Variants in KCNMA1 observed in about 807,000 individuals in gnomAD.
KCNMA1 encodes Calcium-activated potassium channel subunit alpha-1.
Under a neutral mutation model 140.0 loss-of-function variants are expected in KCNMA1, and 29 were observed. That is an observed-to-expected ratio of 0.21 (90% CI 0.15 to 0.28). The LOEUF is 0.28. Among genes scored for constraint, KCNMA1 ranks in the 10% least tolerant of loss-of-function variants. The probability of loss-of-function intolerance (pLI) is 1.00; values close to 1 mark genes in which losing one functional copy is unlikely to be tolerated. For missense variants in KCNMA1, 880 were observed against 1,602.2 expected (o/e 0.55, Z 7.70); for synonymous variants, 612 against 611.9 (o/e 1.00, Z 0.00).
intron 1 of KCNMA1, among the ~76,000 whole-genome samples, chr10:77,471,029 C>T (rs2098136270): frequency 6.6e-6 from 1 of 151,892 alleles, no homozygotes; most frequent in Admixed American, 6.6e-5. Flanking sequence ...ACACAACACA[C>T]ACTACACACT....
chr10:77,506,596 A>AGAGAGAGAGAGTGTGT, intron 1 of KCNMA1, among the ~76,000 whole-genome samples: 1,267 of 83,214 alleles, frequency 0.015, 22 homozygotes, highest in Non-Finnish European at 0.018. Flanking sequence ...AGAGAGAGAG[A>AGAGAGAGAGAGTGTGT]GTGTGTGTGT....
intron 5 of KCNMA1, among the ~76,000 whole-genome samples, chr10:77,170,415 T>C (rs2098691380): frequency 6.6e-6 from 1 of 151,996 alleles, no homozygotes; most frequent in Non-Finnish European, 1.5e-5. Flanking sequence ...GCTGAGATAC[T>C]GTATCCCTGG....
chr10:77,516,296 C>A (rs1035807858), intron 1 of KCNMA1, among the ~76,000 whole-genome samples: 10 of 152,054 alleles, frequency 6.6e-5, no homozygotes, highest in Non-Finnish European at 1.5e-4. Context: ...CTGAAATCTG[C>A]TCCAAACTCC....
chr10:77,184,532 T>G (rs1396313285), intron 4 of KCNMA1, among the ~76,000 whole-genome samples: 2 of 152,228 alleles, frequency 1.3e-5, no homozygotes, highest in Non-Finnish European at 2.9e-5. Flanking sequence ...TCTATTTAAT[T>G]TTTAAGGGAA....
rs534499013 is a variant in KCNMA1 at position 77,071,894 on chromosome 10, C to G, written c.1749+1203G>C. Among the ~76,000 whole-genome samples the G allele has an allele frequency of 2.6e-5, 4 of 152,190 alleles. 1 individual carries two copies. In the South Asian group the frequency reaches 8.3e-4, roughly 31 times the overall value. On this transcript the variant is annotated intron_variant, in intron 14 of 27. Transcript: ENST00000286628. ...GAAGGATAAGGACTTAGAAAAACTC[C>G]TGCTCTAAATAATATCACTCATAGG...
intron 5 of KCNMA1, among the ~76,000 whole-genome samples, chr10:77,151,448 G>C (rs113812291): frequency 0.015 from 1,896 of 122,468 alleles, 19 homozygotes; most frequent in Non-Finnish European, 0.024. Flanking sequence ...GGATGGTCTC[G>C]ATCTCTTGAC....
chr10:77,434,702 C>T (rs1192043084), intron 1 of KCNMA1, among the ~76,000 whole-genome samples: 1 of 152,150 alleles, frequency 6.6e-6, no homozygotes, highest in African/African-American at 2.4e-5. Context: ...AATACAAGGA[C>T]GATAAAGACA....
intron 2 of KCNMA1, among the ~76,000 whole-genome samples, chr10:77,322,105 C>T (rs918412371): frequency 2.6e-5 from 4 of 152,162 alleles, no homozygotes; most frequent in Non-Finnish European, 5.9e-5. Flanking sequence ...ATCTTGTGGT[C>T]TACAATCTCA....
At chr10:76,898,581 C>A (rs1160848475) in intron 25 of KCNMA1, among the ~76,000 whole-genome samples, 3 of 151,208 alleles carry the variant, frequency 2.0e-5, no homozygotes, top group African/African-American at 7.3e-5. Flanking sequence ...GCTGTATAAC[C>A]TACATTTTAA....
chr10:76,908,782 C>T (rs941441153), intron 25 of KCNMA1, among the ~76,000 whole-genome samples: 5 of 152,198 alleles, frequency 3.3e-5, no homozygotes, highest in Non-Finnish European at 4.4e-5. Context: ...CCTATGTCTG[C>T]ATTTTCACAA....
At chr10:77,061,631 A>G (rs1047265744) in intron 14 of KCNMA1, among the ~76,000 whole-genome samples, 3 of 152,224 alleles carry the variant, frequency 2.0e-5, no homozygotes, top group African/African-American at 7.2e-5. Flanking sequence ...AACTTACCCT[A>G]TAATCCAGCA....
chr10:76,986,798 C>G (rs2081376463), intron 19 of KCNMA1, among the ~76,000 whole-genome samples: 1 of 152,092 alleles, frequency 6.6e-6, no homozygotes. Flanking sequence ...GGCTTCCTAC[C>G]CCGACTCAAA....
chr10:77,246,998 G>A (rs985730968), intron 3 of KCNMA1, among the ~76,000 whole-genome samples: 3 of 152,142 alleles, frequency 2.0e-5, no homozygotes, highest in African/African-American at 4.8e-5. Context: ...AAGTCATTAA[G>A]GAAACATTTA....
intron 9 of KCNMA1, among the ~76,000 whole-genome samples, chr10:77,101,165 G>A (rs1223940833): frequency 6.6e-6 from 1 of 152,092 alleles, no homozygotes; most frequent in Non-Finnish European, 1.5e-5. Flanking sequence ...AAGTGCCCAT[G>A]TCCCACGCCC....
At chr10:77,405,348 CTGCCTTCCCCACTGCTGCAGCCTTGG>C (rs1389451030) in intron 1 of KCNMA1, among the ~76,000 whole-genome samples, 1 of 152,244 alleles carries the variant, frequency 6.6e-6, no homozygotes, top group Admixed American at 6.5e-5. Context: ...CACTTACTGT[CTGCCTTCCCCACTGCTGCAGCCTTGG>C]TGCCTAATAG....
intron 18 of KCNMA1, among the ~76,000 whole-genome samples, chr10:77,007,971 G>A (rs2089593831): frequency 6.6e-6 from 1 of 152,066 alleles, no homozygotes; most frequent in African/African-American, 2.4e-5. Context: ...TGGATGGATG[G>A]AGAGCAGGCT....
intron 17 of KCNMA1, among the ~76,000 whole-genome samples, chr10:77,014,878 C>T (rs1469429155): frequency 6.6e-6 from 1 of 152,208 alleles, no homozygotes; most frequent in Admixed American, 6.5e-5. Context: ...TCATGCTCAC[C>T]TCGCAAAGCC....
chr10:77,108,002 G>A lies in KCNMA1; in HGVS notation c.1223+479C>T, dbSNP rs1359141314. Among the ~76,000 whole-genome samples the A allele has an allele frequency of 3.9e-5, 6 of 152,198 alleles. No individual in the cohort carries two copies. Among genetic ancestry groups the A allele is most frequent in the South Asian group, 2.1e-4 (1 of 4,820 alleles). ...ATAGCCAGATGATGGAAGAATGAAC[G>A]AGTTTTGTTTACTTGTTAGGGGTCA... On this transcript the variant is annotated intron_variant, in intron 9 of 27. Transcript: ENST00000286628. The surrounding 1 kb of genome is among the most constrained non-coding windows in gnomAD (Gnocchi z 4.6).
At chr10:77,048,589 G>A (rs963762929) in intron 14 of KCNMA1, among the ~76,000 whole-genome samples, 1 of 152,178 alleles carries the variant, frequency 6.6e-6, no homozygotes, top group African/African-American at 2.4e-5. Flanking sequence ...ACTGTGCGTG[G>A]TACATAGTCA....
Sources: allele counts gnomAD v4.1 joint callset (sites outside exome capture counted in the v4.1 genomes callset), GRCh38; gene constraint gnomAD v4.1.1; non-coding constraint Gnocchi (gnomAD v3.1); transcripts MANE v1.5; gene names NCBI Gene and HGNC (gene_info 2026-07-23, HGNC 2026-07-21).